Variants in ATP10B observed in about 807,000 individuals in gnomAD.
The protein encoded by ATP10B is phospholipid-transporting ATPase VB.
In ATP10B, 122 loss-of-function variants were observed where a neutral mutation model predicts 141.2. The ratio of observed to expected loss-of-function variants is 0.86; its 90% confidence interval spans 0.75 to 1.00. ATP10B has a LOEUF of 1.00. Among genes scored for constraint, ATP10B ranks in the 50% least tolerant of loss-of-function variants. ATP10B has a pLI of 0.00. For missense variants in ATP10B, 1,876 were observed against 1,825.3 expected, an observed-to-expected ratio of 1.03 and a Z score of -0.51; for synonymous variants, 685 against 692.0, an observed-to-expected ratio of 0.99 and a Z score of 0.16.
At chr5:160,605,521 A>G (rs1757331612) in intron 19 of ATP10B, among the ~76,000 whole-genome samples, 1 of 152,188 alleles carries the variant, frequency 6.6e-6, no homozygotes, top group South Asian at 2.1e-4. Flanking sequence ...TTCTTGGGCT[A>G]TTGCCTTGTG....
the ATP10B span, among the ~76,000 whole-genome samples, chr5:160,926,323 T>G: frequency 6.6e-6 from 1 of 152,218 alleles, no homozygotes; most frequent in Admixed American, 6.5e-5. Flanking sequence ...AGAAACTTAA[T>G]GTAATTCTCT....
At chr5:160,862,011 G>A in the ATP10B span, among the ~76,000 whole-genome samples, 1 of 151,932 alleles carries the variant, frequency 6.6e-6, no homozygotes, top group Non-Finnish European at 1.5e-5. Context: ...TGCATTCAGT[G>A]TTTTGTGCTG....
chr5:160,620,956 G>T lies in ATP10B; in HGVS notation c.1813-6C>A. The T allele has an allele frequency of 6.2e-7, 1 of 1,601,950 alleles. No homozygotes were observed. The highest frequency in any genetic ancestry group is 1.1e-5 in the South Asian group (1 of 89,506). On this transcript the variant is annotated splice_region_variant and splice_polypyrimidine_tract_variant and intron_variant, in intron 14 of 25. Coordinates refer to ENST00000327245, the MANE Select transcript of ATP10B (RefSeq NM_025153.3). The stretch of plus-strand genomic sequence containing the variant: ...CTTGAGGGTTTGATGGTGACCTTGT[G>T]GCCAAAGAAGGAAAGTGGAATATTA...
chr5:160,928,145 T>C, the ATP10B span, among the ~76,000 whole-genome samples: 1 of 152,166 alleles, frequency 6.6e-6, no homozygotes, highest in Non-Finnish European at 1.5e-5. Flanking sequence ...TGGCTCGGTG[T>C]CCAGCTCTCC....
At chr5:160,815,291 G>A (rs1180808607) in intron 1 of ATP10B, among the ~76,000 whole-genome samples, 1 of 152,130 alleles carries the variant, frequency 6.6e-6, no homozygotes, top group Non-Finnish European at 1.5e-5. Flanking sequence ...GATGGAGAAA[G>A]ATCTACCAAG....
the ATP10B span, among the ~76,000 whole-genome samples, chr5:160,904,106 A>C: frequency 6.6e-6 from 1 of 151,654 alleles, no homozygotes; most frequent in Admixed American, 6.6e-5. Flanking sequence ...AGCTCCCAGC[A>C]GGCAAGGAAG....
At chr5:160,571,671 C>T (rs2127594906) in intron 24 of ATP10B, among the ~76,000 whole-genome samples, 1 of 152,182 alleles carries the variant, frequency 6.6e-6, no homozygotes, top group South Asian at 2.1e-4. Flanking sequence ...GAATTGTGTA[C>T]ATCTGCATAT....
At chr5:160,860,029 C>T in the ATP10B span, among the ~76,000 whole-genome samples, 1,877 of 151,814 alleles carry the variant, frequency 0.012, 17 homozygotes, top group Non-Finnish European at 0.02. Context: ...CTTTTTATTT[C>T]TAAAAAATAT....
At chr5:160,751,742 A>C (rs1370116751) in intron 2 of ATP10B, among the ~76,000 whole-genome samples, 1 of 152,070 alleles carries the variant, frequency 6.6e-6, no homozygotes, top group Non-Finnish European at 1.5e-5. Context: ...AAAATGTTTG[A>C]CACAAAGGGT....
At chr5:160,600,433 C>G (rs945265112) in intron 21 of ATP10B, among the ~76,000 whole-genome samples, 1 of 152,212 alleles carries the variant, frequency 6.6e-6, no homozygotes, top group Non-Finnish European at 1.5e-5. Flanking sequence ...TATTTATTAT[C>G]TAGCTCTTTG....
At chr5:160,794,006 G>A (rs970012393) in intron 1 of ATP10B, among the ~76,000 whole-genome samples, 1 of 152,210 alleles carries the variant, frequency 6.6e-6, no homozygotes, top group African/African-American at 2.4e-5. Context: ...ACTCTGTGAT[G>A]TTAGTACAGG....
chr5:160,633,073 T>C (rs1759055104), intron 12 of ATP10B: 1 of 152,232 alleles, frequency 6.6e-6, no homozygotes, highest in South Asian at 2.1e-4. Context: ...ACACAACAGA[T>C]GCTGAAGAGG....
chr5:160,918,939 G>A, the ATP10B span, among the ~76,000 whole-genome samples: 3 of 152,224 alleles, frequency 2.0e-5, no homozygotes, highest in Admixed American at 2.0e-4. Flanking sequence ...ACAAAGCAGG[G>A]AGTGGGCCGG....
At chr5:160,850,390 C>T (rs540903026) in intron 1 of ATP10B, among the ~76,000 whole-genome samples, 6 of 152,174 alleles carry the variant, frequency 3.9e-5, no homozygotes, top group South Asian at 2.1e-4. Context: ...CGCCACTGCA[C>T]GCCAGCCTGG....
At chr5:160,915,157 T>C in the ATP10B span, among the ~76,000 whole-genome samples, 1 of 152,188 alleles carries the variant, frequency 6.6e-6, no homozygotes, top group African/African-American at 2.4e-5. Context: ...TATTAAATTA[T>C]GCCTTTAAAA....
intron 16 of ATP10B, among the ~76,000 whole-genome samples, chr5:160,616,539 G>A (rs1354347648): frequency 3.9e-5 from 6 of 152,220 alleles, no homozygotes; most frequent in Non-Finnish European, 8.8e-5. Flanking sequence ...AAAGCAGCCT[G>A]TAGAGCACTC....
At chr5:160,777,049 T>C (rs1446914284) in intron 2 of ATP10B, among the ~76,000 whole-genome samples, 1 of 152,174 alleles carries the variant, frequency 6.6e-6, no homozygotes, top group Non-Finnish European at 1.5e-5. Context: ...CCTGATGTGA[T>C]GGCAAATTAT....
intron 13 of ATP10B, among the ~76,000 whole-genome samples, chr5:160,631,255 C>T (rs1310970887): frequency 6.6e-6 from 1 of 152,178 alleles, no homozygotes; most frequent in African/African-American, 2.4e-5. Flanking sequence ...TTTTTATGTT[C>T]CCCGGAGAAA....
intron 2 of ATP10B, among the ~76,000 whole-genome samples, chr5:160,779,008 G>A (rs1770535062): frequency 6.6e-6 from 1 of 152,228 alleles, no homozygotes. Context: ...TGAAGTCTGT[G>A]CAGCATTGAA....
Sources: allele counts gnomAD v4.1 joint callset (sites outside exome capture counted in the v4.1 genomes callset), GRCh38; gene constraint gnomAD v4.1.1; transcripts MANE v1.5; gene names NCBI Gene and HGNC (gene_info 2026-07-23, HGNC 2026-07-21).